FGF13: variants seen among roughly 807,000 people sequenced by gnomAD.
The protein encoded by FGF13 is fibroblast growth factor 13.
In FGF13, 2 loss-of-function variants were observed where a neutral mutation model predicts 19.5. The ratio of observed to expected loss-of-function variants is 0.10; its 90% CI spans 0.04 to 0.32. The LOEUF (loss-of-function observed/expected upper bound fraction) is 0.32, where lower values mean the gene tolerates loss of function less well. Ranked by LOEUF, FGF13 falls within the 10% of genes least tolerant of loss-of-function variation. The probability of loss-of-function intolerance (pLI) is 1.00; values close to 1 mark genes in which losing one functional copy is unlikely to be tolerated. For synonymous variants in FGF13, 72 were observed against 76.9 expected (o/e 0.94, Z 0.33); for missense variants, 113 against 192.7 (o/e 0.59, Z 2.45).
At chrX:138,774,962 G>GTTTA (rs1217928617) in intron 3 of FGF13, among the ~76,000 whole-genome samples, 1 of 111,999 alleles carries the variant, frequency 8.9e-6, no homozygotes, top group African/African-American at 3.2e-5. Context: ...TTTTTAAAAT[G>GTTTA]TTTATTTATT....
At chrX:138,754,848 A>G (rs761789701) in intron 3 of FGF13, among the ~76,000 whole-genome samples, 14 of 111,374 alleles carry the variant, frequency 1.3e-4, no homozygotes, top group Middle Eastern at 4.6e-3. Context: ...CTGGTAGACA[A>G]TATTTCATGT....
At chrX:138,707,481 C>A (rs1036848703) in intron 2 of FGF13, among the ~76,000 whole-genome samples, 36 of 111,115 alleles carry the variant, frequency 3.2e-4, no homozygotes, top group African/African-American at 1.1e-3. Flanking sequence ...CTAATTCCTT[C>A]CCCAAATATC....
intron 1 of FGF13, among the ~76,000 whole-genome samples, chrX:138,902,593 AT>A (rs1338650691): frequency 2.5e-4 from 28 of 111,133 alleles, no homozygotes; most frequent in African/African-American, 9.1e-4. Context: ...TTACTTCCTC[AT>A]TTTTTTTCTA....
chrX:139,118,332 C>T (rs775528662), intron 1 of FGF13, among the ~76,000 whole-genome samples: 29 of 111,813 alleles, frequency 2.6e-4, no homozygotes, highest in South Asian at 1.5e-3. Flanking sequence ...TTTATGCAGA[C>T]GTAACCTCAT....
Position 139,160,878 on chromosome X carries a change from A to G in FGF13, c.-113+42538T>C, listed in dbSNP as rs4342771. On this transcript the variant is annotated intron_variant, in intron 1 of 2. Coordinates refer to the FGF13 transcript ENST00000421460. ...AATAGCCTACCAACCAAAAAAACCCAGGACCAGATGGATTCACAGCTGAAT... is the reference window on the plus strand; with the variant it reads ...AATAGCCTACCAACCAAAAAAACCCGGGACCAGATGGATTCACAGCTGAAT... Among the ~76,000 whole-genome samples, 352 of 112,052 alleles carry G rather than the reference A, an allele frequency of 3.1e-3. 1 individual carries two copies. Among genetic ancestry groups the G allele is most frequent in the Non-Finnish European group, 5.4e-3 (287 of 53,206 alleles).
chrX:139,085,218 A>T lies in FGF13; in HGVS notation c.-113+118198T>A, dbSNP rs188164054. On this transcript the variant is annotated intron_variant, in intron 1 of 2. Transcript: ENST00000421460. ...CTCAGAATACTTTACAATTCAAAAA[A>T]AGGACTTGTCATACACTAGGAATAA... Among the ~76,000 whole-genome samples the T allele has an allele frequency of 3.5e-3, 392 of 111,943 alleles. 3 individuals carry two copies. The highest frequency in any genetic ancestry group is 5.2e-3 in the South Asian group (14 of 2,676).
At chrX:139,052,714 T>C (rs649755) in intron 1 of FGF13, among the ~76,000 whole-genome samples, 27,369 of 111,207 alleles carry the variant, frequency 0.25, 3,335 homozygotes, top group African/African-American at 0.47. Context: ...ACAAGCAAAA[T>C]GCCTTGAGCA....
chrX:138,975,247 C>A (rs2091935147), intron 1 of FGF13, among the ~76,000 whole-genome samples: 1 of 112,703 alleles, frequency 8.9e-6, no homozygotes, highest in African/African-American at 3.2e-5. Context: ...GTGACATGTG[C>A]AGGAAAGGCA....
intron 1 of FGF13, among the ~76,000 whole-genome samples, chrX:139,028,209 T>C (rs1474534531): frequency 8.9e-6 from 1 of 111,911 alleles, no homozygotes; most frequent in Non-Finnish European, 1.9e-5. Context: ...TAAATATCTT[T>C]ATAAACATAT....
intron 3 of FGF13, among the ~76,000 whole-genome samples, chrX:138,759,297 G>A (rs946547369): frequency 7.1e-5 from 8 of 112,080 alleles, no homozygotes; most frequent in Non-Finnish European, 1.3e-4. Context: ...TTGATGCCCC[G>A]ACATCTCCTT....
intron 1 of FGF13, among the ~76,000 whole-genome samples, chrX:138,934,416 C>A (rs1175923199): frequency 3.6e-5 from 4 of 112,080 alleles, no homozygotes; most frequent in Non-Finnish European, 7.5e-5. Flanking sequence ...TTGGTTTGGC[C>A]ATTTCATGGG....
intron 1 of FGF13, chrX:138,739,184 G>T: frequency 1.4e-6 from 1 of 711,772 alleles, no homozygotes; most frequent in Non-Finnish European, 2.2e-6. Flanking sequence ...AGGCATTAAT[G>T]TCCAGGATAA....
At chrX:139,080,615 A>G (rs2083364223) in intron 1 of FGF13, among the ~76,000 whole-genome samples, 1 of 111,737 alleles carries the variant, frequency 8.9e-6, no homozygotes, top group Non-Finnish European at 1.9e-5. Context: ...TTGGCTAGAA[A>G]AACACACAAC....
At chrX:139,100,261 C>T (rs1330375940) in intron 1 of FGF13, among the ~76,000 whole-genome samples, 2 of 110,767 alleles carry the variant, frequency 1.8e-5, no homozygotes, top group Admixed American at 9.6e-5. Flanking sequence ...CAAGGACACA[C>T]GAGCAGATTA....
At chrX:138,876,669 C>A (rs2091390948) in intron 1 of FGF13, among the ~76,000 whole-genome samples, 1 of 111,968 alleles carries the variant, frequency 8.9e-6, no homozygotes, top group Non-Finnish European at 1.9e-5. Context: ...AAGAGCACAG[C>A]CGTAGGCCTT....
intron 3 of FGF13, among the ~76,000 whole-genome samples, chrX:138,662,977 C>T: frequency 9.0e-6 from 1 of 111,311 alleles, no homozygotes; most frequent in Non-Finnish European, 1.9e-5. Context: ...TCTAAACTAT[C>T]TCTCATTAAT....
rs17510095 is a variant in FGF13 at position 138,707,695 on chromosome X, C to T, written c.298+1123G>A. ...AGAACTTTTGCAAAACAGTGAAGAACCATTCAGTATGAGGTTTTTTCATCC... is the reference window on the plus strand; with the variant it reads ...AGAACTTTTGCAAAACAGTGAAGAATCATTCAGTATGAGGTTTTTTCATCC... On this transcript the variant is annotated intron_variant, in intron 2 of 4. Transcript: ENST00000315930. 7.1e-5 allele frequency among the ~76,000 whole-genome samples: 8 copies of T among 111,928 alleles called. No individual in the cohort carries two copies. In the Admixed American group the frequency reaches 7.6e-4, roughly 11 times the overall value.
chrX:138,908,199 T>G (rs1603022014), intron 1 of FGF13, among the ~76,000 whole-genome samples: 1 of 106,036 alleles, frequency 9.4e-6, no homozygotes, highest in Non-Finnish European at 1.9e-5. Flanking sequence ...GCCTCCCGAG[T>G]AACTGGGACA....
intron 1 of FGF13, among the ~76,000 whole-genome samples, chrX:139,119,743 C>T (rs1178405149): frequency 8.9e-6 from 1 of 112,494 alleles, no homozygotes; most frequent in African/African-American, 3.2e-5. Context: ...TGACAGCAGA[C>T]TTTAAATAGT....
Sources: allele counts gnomAD v4.1 joint callset (sites outside exome capture counted in the v4.1 genomes callset), GRCh38; gene constraint gnomAD v4.1.1; transcripts MANE v1.5; gene names NCBI Gene and HGNC (gene_info 2026-07-23, HGNC 2026-07-21).